The following ZNF528 variants were observed in gnomAD, a reference collection of about 807,000 sequenced individuals.
The protein encoded by ZNF528 is zinc finger protein 528.
In ZNF528, 9 loss-of-function variants were observed where a neutral mutation model predicts 13.3. That is an observed-to-expected ratio of 0.67 (90% confidence interval 0.41 to 1.18). The LOEUF (loss-of-function observed/expected upper bound fraction) is 1.18. Ranked by LOEUF, ZNF528 falls within the 50% of genes most tolerant of loss-of-function variation. ZNF528 has a pLI of 0.01. For synonymous variants in ZNF528, 264 were observed against 254.3 expected (o/e 1.04, Z -0.36); for missense variants, 858 against 745.4 (o/e 1.15, Z -1.76).
At chr19:52,412,360 A>G (rs757891230) in intron 6 of ZNF528, 2 of 152,192 alleles carry the variant, frequency 1.3e-5, no homozygotes, top group African/African-American at 2.4e-5. Context: ...GCCTTTGCCT[A>G]AAATTAGTTC....
At chr19:52,402,289 C>CTT in intron 4 of ZNF528, 1 of 602,038 alleles carries the variant, frequency 1.7e-6, no homozygotes, top group African/African-American at 1.9e-5. Context: ...GTGTGGGTCC[C>CTT]GTGGTGGCAG....
chr19:52,401,903 G>T, intron 3 of ZNF528, 44 bp from the exon 4 acceptor site: 8 of 1,591,302 alleles, frequency 5.0e-6, no homozygotes, highest in Admixed American at 1.8e-5. Context: ...CAGGAAGGAG[G>T]TATGTTGATT....
In ZNF528 at chr19:52,415,708, C is replaced by T. The variant is rs2058992437; in HGVS notation, c.856C>T (p.Gln286Ter). The change falls in exon 7 of 7, where the codon CAA becomes TAA. Residue 286 changes from glutamine to a stop codon, truncating the protein, a stop_gained. Transcript: ENST00000360465. LOFTEE classifies it low-confidence loss of function (END_TRUNC). Reference sequence around the variant, plus strand: ...CTTTCGAAGCAGTTCAAAGCTTGCACAACATCAAAGAATTCATACTGGAGA... The same window carrying T: ...CTTTCGAAGCAGTTCAAAGCTTGCATAACATCAAAGAATTCATACTGGAGA... Reference protein sequence around the residue: ...KVFRSSSKLAQHQRIHTGEKP... With the variant: ...KVFRSSSKLA 1 of 1,613,756 alleles carries T rather than the reference C, an allele frequency of 6.2e-7. No individual in the cohort carries two copies. The highest frequency in any genetic ancestry group is 1.7e-5 in the Admixed American group (1 of 59,982).
chr19:52,411,514 G>A (rs2058930764), intron 6 of ZNF528: 1 of 151,902 alleles, frequency 6.6e-6, no homozygotes, highest in Non-Finnish European at 1.5e-5. Flanking sequence ...GAATTTCAGG[G>A]GCTAACTCAC....
At chr19:52,410,410 A>G (rs921713905) in intron 6 of ZNF528, among the ~76,000 whole-genome samples, 1 of 152,154 alleles carries the variant, frequency 6.6e-6, no homozygotes, top group Non-Finnish European at 1.5e-5. Context: ...TTCTTTGAAC[A>G]ATAGGCTCTA....
In ZNF528 at chr19:52,401,685, G is replaced by A. The variant is rs975424978; in HGVS notation, c.-136G>A. 2 of 982,464 alleles carry A rather than the reference G, an allele frequency of 2.0e-6. No homozygotes were observed. Among genetic ancestry groups the A allele is most frequent in the Admixed American group, 3.7e-5 (1 of 27,072 alleles). The allele number at this position is 982,464 out of a possible 1,614,324, so 60.9% of individuals were successfully genotyped here. A position where few individuals can be genotyped will look rare whatever the true frequency, so the allele number is the denominator to read the frequency against. ...TGCTTTTTTTTTTTTTTTTTTTTAGGTTCACAAATTTTAAGAAAGGGAGAA... is the reference window on the plus strand; with the variant it reads ...TGCTTTTTTTTTTTTTTTTTTTTAGATTCACAAATTTTAAGAAAGGGAGAA... On this transcript the variant is annotated splice_region_variant and 5_prime_UTR_variant, in exon 3 of 7. Transcript: ENST00000360465.
At chr19:52,407,245 T>C (rs1235684268) in intron 6 of ZNF528, among the ~76,000 whole-genome samples, 44 of 139,152 alleles carry the variant, frequency 3.2e-4, no homozygotes, top group African/African-American at 5.4e-4. Context: ...CTCAAGTGAT[T>C]CTCCCACCTC....
chr19:52,398,638 G>C lies in ZNF528; in HGVS notation c.-137+19G>C. ...GTAGAAGGTGAGTGAGGGGTTTGCA[G>C]AGGCACAGTGAAAGAAGGTGCCGAG... On this transcript the variant is annotated intron_variant, in intron 2 of 6. Coordinates refer to ENST00000360465, the MANE Select transcript of ZNF528 (RefSeq NM_032423.3). 1 of 984,390 alleles carries C rather than the reference G, an allele frequency of 1.0e-6. No individual in the cohort carries two copies. Among genetic ancestry groups the C allele is most frequent in the South Asian group, 4.7e-5 (1 of 21,274 alleles). 61.0% of individuals were successfully genotyped at this position (984,390 alleles called of 1,614,324 possible). A position where few individuals can be genotyped will look rare whatever the true frequency, so the allele number is the denominator to read the frequency against.
intron 6 of ZNF528, chr19:52,413,248 T>C (rs1432838270): frequency 6.6e-6 from 1 of 152,220 alleles, no homozygotes; most frequent in African/African-American, 2.4e-5. Flanking sequence ...CATTACTCAA[T>C]AGCATATCCT....
Position 52,416,597 on chromosome 19 carries a change from G to A in ZNF528, c.1745G>A (p.Cys582Tyr). The change falls in exon 7 of 7, where the codon TGT becomes TAT. Residue 582 changes from cysteine to tyrosine, a missense_variant. By Grantham distance (194) the Cys-to-Tyr change is radical. Coordinates refer to ENST00000360465, the MANE Select transcript of ZNF528 (RefSeq NM_032423.3). ...AAGAAATCTCATGAGTGTAAAGAATGTGGCAAGATCTTCACTCAGAAGTCT... is the reference window on the plus strand; with the variant it reads ...AAGAAATCTCATGAGTGTAAAGAATATGGCAAGATCTTCACTCAGAAGTCT... The part of the protein sequence containing the change: ...TEKKSHECKE[C>Y]GKIFTQKSSL... 6.2e-7 allele frequency: 1 copy of A among 1,614,136 alleles called. No homozygotes were observed. The highest frequency in any genetic ancestry group is 1.1e-5 in the South Asian group (1 of 91,078).
In ZNF528 at chr19:52,415,395, T is replaced by G. The variant is rs1238060871; in HGVS notation, c.543T>G (p.Ile181Met). The G allele has an allele frequency of 6.2e-7, 1 of 1,614,104 alleles. No individual in the cohort carries two copies. Residue 181 changes from isoleucine to methionine, a missense_variant, in exon 7 of 7, where the codon ATT (isoleucine) becomes ATG (methionine). Ile to Met is a conservative substitution (Grantham distance 10). Transcript: ENST00000360465. ...TTCCACAAGAACAGAAAGCACACATTAGGGAAAAAGCTTATAAATGTAATG... is the reference window on the plus strand; with the variant it reads ...TTCCACAAGAACAGAAAGCACACATGAGGGAAAAAGCTTATAAATGTAATG... ...PLLPQEQKAH[I>M]REKAYKCNEH...
At chr19:52,412,896 C>T (rs1399517900) in intron 6 of ZNF528, 2 of 152,190 alleles carry the variant, frequency 1.3e-5, no homozygotes, top group Non-Finnish European at 2.9e-5. Context: ...CAATGAAGCT[C>T]AGTTCCTTCA....
intron 2 of ZNF528, among the ~76,000 whole-genome samples, chr19:52,398,988 T>C (rs763632832): frequency 4.0e-5 from 6 of 151,718 alleles, no homozygotes; most frequent in African/African-American, 7.3e-5. Context: ...GGCAGAAATA[T>C]ATGGAGATTA....
chr19:52,403,016 TG>T (rs1484330550), intron 4 of ZNF528, among the ~76,000 whole-genome samples: 1 of 152,164 alleles, frequency 6.6e-6, no homozygotes, highest in African/African-American at 2.4e-5. Flanking sequence ...AAAAATATTA[TG>T]TTTTTGAATA....
intron 6 of ZNF528, chr19:52,414,651 T>C (rs2058976217): frequency 2.5e-6 from 1 of 398,750 alleles, no homozygotes; most frequent in Non-Finnish European, 4.7e-6. Flanking sequence ...ACATCCTGCA[T>C]TCATGATAGT....
rs372621946 is a variant in ZNF528, at chr19:52,415,888, G to T, written c.1036G>T (p.Val346Phe). ...TTCATATCTAGCAGAACATCAAACG[G>T]TTCATACTGGTGAGAAACCTTACAA... is the stretch of plus-strand genomic sequence containing the variant. The part of the protein sequence containing the change: ...RHSYLAEHQT[V>F]HTGEKPYKCE... Residue 346 changes from valine to phenylalanine, a missense_variant, in exon 7 of 7, where the codon GTT becomes TTT. Transcript: ENST00000360465. The T allele has an allele frequency of 1.9e-6, 3 of 1,613,664 alleles. No homozygotes were observed. Among genetic ancestry groups the T allele is most frequent in the African/African-American group, 2.7e-5 (2 of 74,846 alleles).
intron 2 of ZNF528, among the ~76,000 whole-genome samples, chr19:52,400,116 C>A (rs1022533071): frequency 2.0e-5 from 3 of 151,810 alleles, no homozygotes; most frequent in Non-Finnish European, 2.9e-5. Flanking sequence ...ACAGGCCAGC[C>A]CCATTCACTC....
intron 6 of ZNF528, chr19:52,414,831 TC>T (rs1478767995): frequency 1.2e-6 from 1 of 813,238 alleles, no homozygotes; most frequent in Non-Finnish European, 1.8e-6. Flanking sequence ...TTTCTGATTT[TC>T]CCTAAGAGGC....
chr19:52,403,528 C>T (rs902049800), intron 4 of ZNF528, among the ~76,000 whole-genome samples: 7 of 151,894 alleles, frequency 4.6e-5, no homozygotes, highest in Admixed American at 2.6e-4. Context: ...GGCATGGTGG[C>T]GCACATCTGT....
Sources: allele counts gnomAD v4.1 joint callset (sites outside exome capture counted in the v4.1 genomes callset), GRCh38; gene constraint gnomAD v4.1.1; transcripts MANE v1.5; gene names NCBI Gene and HGNC (gene_info 2026-07-23, HGNC 2026-07-21).